Variants in BMPR1B observed in about 807,000 individuals in gnomAD.
BMPR1B encodes bone morphogenetic protein receptor type-1B.
In BMPR1B, 12 loss-of-function variants were observed where a neutral mutation model predicts 59.1. The observed-to-expected ratio is 0.20, with a 90% CI of 0.13 to 0.33. The LOEUF (loss-of-function observed/expected upper bound fraction) is 0.33, where lower values mean the gene tolerates loss of function less well. Ranked by LOEUF, BMPR1B falls within the 10% of genes least tolerant of loss-of-function variation. The probability of loss-of-function intolerance (pLI) is 1.00; values close to 1 mark genes in which losing one functional copy is unlikely to be tolerated. For synonymous variants in BMPR1B, 237 were observed against 207.3 expected, an observed-to-expected ratio of 1.14 and a Z score of -1.23; for missense variants, 550 against 610.9, an observed-to-expected ratio of 0.90 and a Z score of 1.05.
chr4:94,855,773 TTAAAA>T (rs1361905284), intron 1 of BMPR1B, among the ~76,000 whole-genome samples: 2 of 142,472 alleles, frequency 1.4e-5, no homozygotes, highest in African/African-American at 5.5e-5. Flanking sequence ...ATAAATTTAT[TTAAAA>T]TAAAGTTATT....
chr4:95,037,247 T>C (rs77720006), intron 3 of BMPR1B, among the ~76,000 whole-genome samples: 1,617 of 152,246 alleles, frequency 0.011, 22 homozygotes, highest in African/African-American at 0.035. Flanking sequence ...AGAATGGCTA[T>C]ATCCATGGAG....
intron 2 of BMPR1B, among the ~76,000 whole-genome samples, chr4:94,881,685 C>T (rs1394918279): frequency 3.9e-5 from 6 of 151,978 alleles, no homozygotes; most frequent in Non-Finnish European, 5.9e-5. Context: ...AGGCTGGTCT[C>T]GGACTCCTGA....
intron 2 of BMPR1B, among the ~76,000 whole-genome samples, chr4:94,885,684 T>C (rs1484954555): frequency 6.6e-6 from 1 of 152,092 alleles, no homozygotes; most frequent in Non-Finnish European, 1.5e-5. Flanking sequence ...AGAACAAATA[T>C]TTTGAAAAAA....
chr4:95,122,139 C>G (rs1389535177), intron 6 of BMPR1B, among the ~76,000 whole-genome samples: 2 of 152,088 alleles, frequency 1.3e-5, no homozygotes, highest in African/African-American at 4.8e-5. Flanking sequence ...GAGTTTGAGA[C>G]CAGCCGGGCC....
At chr4:95,042,949 G>T (rs13118960) in intron 3 of BMPR1B, among the ~76,000 whole-genome samples, 41,018 of 151,060 alleles carry the variant, frequency 0.27, 6,316 homozygotes, top group South Asian at 0.42. Context: ...GCCGAGGCGG[G>T]TGGATCATGA....
In BMPR1B at chr4:95,154,725, T is replaced by C. The variant is rs1350205690; in HGVS notation, c.*52T>C. ...CAGAAAGCCAACAGGTACTCTTCTGTTTGTGGGCAGAGCAAAAGACATCAA... is the reference window on the plus strand; with the variant it reads ...CAGAAAGCCAACAGGTACTCTTCTGCTTGTGGGCAGAGCAAAAGACATCAA... On this transcript the variant is annotated 3_prime_UTR_variant, in exon 13 of 13. Coordinates refer to ENST00000515059, the MANE Select transcript of BMPR1B (RefSeq NM_001203.3). The C allele has an allele frequency of 6.2e-7, 1 of 1,608,034 alleles. No individual in the cohort carries two copies. Among genetic ancestry groups the C allele is most frequent in the East Asian group, 2.2e-5 (1 of 44,774 alleles).
intron 1 of BMPR1B, among the ~76,000 whole-genome samples, chr4:94,850,672 T>G (rs1725532369): frequency 6.6e-6 from 1 of 152,174 alleles, no homozygotes; most frequent in African/African-American, 2.4e-5. Flanking sequence ...GTCTTCAGGT[T>G]AATAACCCCT....
At chr4:95,101,536 C>T (rs529479806) in intron 3 of BMPR1B, among the ~76,000 whole-genome samples, 6 of 152,144 alleles carry the variant, frequency 3.9e-5, no homozygotes, top group South Asian at 4.2e-4. Context: ...CCTTTGATAC[C>T]GTTTCTGGAG....
chr4:94,913,092 A>G (rs1728348825), intron 2 of BMPR1B, among the ~76,000 whole-genome samples: 1 of 152,142 alleles, frequency 6.6e-6, no homozygotes. Context: ...AGGTGACACA[A>G]TCCTCAGATT....
intron 1 of BMPR1B, among the ~76,000 whole-genome samples, chr4:94,796,995 A>G (rs1723218311): frequency 6.6e-6 from 1 of 152,186 alleles, no homozygotes; most frequent in African/African-American, 2.4e-5. Context: ...GTCTGTTTTC[A>G]TGCTGCTGAT....
chr4:95,065,456 C>T (rs1387693741), intron 3 of BMPR1B, among the ~76,000 whole-genome samples: 1 of 151,832 alleles, frequency 6.6e-6, no homozygotes, highest in East Asian at 1.9e-4. Flanking sequence ...TAATTATATC[C>T]CAATAAAGCT....
chr4:94,818,724 G>T (rs1250915333), intron 1 of BMPR1B, among the ~76,000 whole-genome samples: 1 of 152,176 alleles, frequency 6.6e-6, no homozygotes, highest in Non-Finnish European at 1.5e-5. Flanking sequence ...AATTGTGCAT[G>T]ATTGAACCTG....
intron 3 of BMPR1B, among the ~76,000 whole-genome samples, chr4:95,077,321 A>G (rs963191058): frequency 6.6e-6 from 1 of 152,112 alleles, no homozygotes; most frequent in Non-Finnish European, 1.5e-5. Flanking sequence ...TTAAGACCCT[A>G]TATTATATAG....
At chr4:95,077,291 G>T (rs1306135972) in intron 3 of BMPR1B, among the ~76,000 whole-genome samples, 2 of 152,148 alleles carry the variant, frequency 1.3e-5, no homozygotes, top group African/African-American at 4.8e-5. Context: ...ATGTGCAGTA[G>T]TGAGCATCTT....
intron 2 of BMPR1B, among the ~76,000 whole-genome samples, chr4:94,977,811 T>G (rs1450767096): frequency 6.6e-6 from 1 of 152,142 alleles, no homozygotes; most frequent in Non-Finnish European, 1.5e-5. Flanking sequence ...GAGCGGAGAT[T>G]GCACCACTGC....
chr4:94,876,057 A>T (rs926932028), intron 2 of BMPR1B, among the ~76,000 whole-genome samples, 157 bp downstream of exon 2: 2 of 152,210 alleles, frequency 1.3e-5, no homozygotes, highest in Non-Finnish European at 2.9e-5. Flanking sequence ...TTATCAGTAA[A>T]AACACATAAG....
chr4:94,810,502 A>T (rs1298772860), intron 1 of BMPR1B, among the ~76,000 whole-genome samples: 1 of 152,212 alleles, frequency 6.6e-6, no homozygotes, highest in Non-Finnish European at 1.5e-5. Flanking sequence ...ACTTACAGTA[A>T]CTTGTGTTGT....
intron 2 of BMPR1B, among the ~76,000 whole-genome samples, chr4:94,922,718 A>T (rs1008406815): frequency 6.6e-6 from 1 of 152,126 alleles, no homozygotes; most frequent in African/African-American, 2.4e-5. Context: ...TGAAAGCCAG[A>T]TTTTGTCTCT....
intron 3 of BMPR1B, among the ~76,000 whole-genome samples, chr4:95,091,194 A>G (rs1432809964): frequency 6.6e-6 from 1 of 152,036 alleles, no homozygotes; most frequent in African/African-American, 2.4e-5. Context: ...CCATCTGGAA[A>G]TGTTACATAA....
Sources: gnomAD v4.1 joint callset for allele counts (sites outside exome capture counted in the v4.1 genomes callset) on GRCh38, gnomAD v4.1.1 for gene constraint, MANE v1.5 for transcripts, NCBI Gene and HGNC (gene_info 2026-07-23, HGNC 2026-07-21) for gene names.